The following ACAP2 variants were observed in gnomAD, a reference collection of about 807,000 sequenced individuals.
ACAP2 encodes the protein ArfGAP with coiled-coil, ankyrin repeat and PH domains 2, also known as arf-GAP with coiled-coil, ANK repeat and PH domain-containing protein 2.
Under a neutral mutation model 115.8 loss-of-function variants are expected in ACAP2, and 39 were observed. The ratio of observed to expected loss-of-function variants is 0.34; its 90% confidence interval spans 0.26 to 0.44. The LOEUF (loss-of-function observed/expected upper bound fraction) is 0.44, where lower values mean the gene tolerates loss of function less well. Among genes scored for constraint, ACAP2 ranks in the 20% least tolerant of loss-of-function variants. The pLI is 1.00. For missense variants in ACAP2, 662 were observed against 927.6 expected (o/e 0.71, Z 3.72); for synonymous variants, 289 against 315.8 (o/e 0.92, Z 0.90).
intron 22 of ACAP2, among the ~76,000 whole-genome samples, chr3:195,282,935 A>G (rs1726598522): frequency 6.6e-6 from 1 of 152,194 alleles, no homozygotes; most frequent in Non-Finnish European, 1.5e-5. Context: ...TTGCTCTTGA[A>G]ATGTACTCCC....
rs372230587 is a variant in ACAP2 at position 195,301,976 on chromosome 3, C to T, written c.1315G>A (p.Gly439Arg). The change falls in exon 14 of 23, where the codon GGA (glycine) becomes AGA (arginine). Residue 439 changes from glycine to arginine, a missense_variant. This residue lies in a region of ACAP2 where 401 missense variants were observed against 604.4 expected (regional missense o/e 0.66). Transcript: ENST00000326793. ...GGCAGGCCTACCCACCGGTGAATTC[C>T]GGAGCACTCGATACACAAGGTGATG... The part of the protein sequence containing the change: ...LGITLCIECS[G>R]IHRSLGVHFS... 1 of 1,612,958 alleles carries T rather than the reference C, an allele frequency of 6.2e-7. No individual in the cohort carries two copies. Among genetic ancestry groups the T allele is most frequent in the African/African-American group, 1.3e-5 (1 of 74,886 alleles).
chr3:195,339,179 TG>T (rs1038214142), intron 6 of ACAP2, among the ~76,000 whole-genome samples: 7 of 152,112 alleles, frequency 4.6e-5, no homozygotes, highest in African/African-American at 1.7e-4. Context: ...TGCAGTGAGC[TG>T]GGATCGCACC....
intron 1 of ACAP2, among the ~76,000 whole-genome samples, chr3:195,402,530 A>G (rs6785382): frequency 0.3 from 46,153 of 152,148 alleles, 8,065 homozygotes; most frequent in East Asian, 0.82. Context: ...AATATTATAC[A>G]TATAACTTTT....
chr3:195,357,238 G>T (rs1732033416), intron 4 of ACAP2, among the ~76,000 whole-genome samples: 1 of 152,062 alleles, frequency 6.6e-6, no homozygotes, highest in Non-Finnish European at 1.5e-5. Context: ...CACTGCCTGG[G>T]GAGAGGAAAG....
chr3:195,425,025 T>C (rs1373971379), intron 1 of ACAP2, among the ~76,000 whole-genome samples: 1 of 22,158 alleles, frequency 4.5e-5, no homozygotes, highest in African/African-American at 1.8e-4. Flanking sequence ...AGACTCCGTC[T>C]CAAAAAAAAA....
chr3:195,292,919 C>G (rs1281711377), intron 18 of ACAP2, among the ~76,000 whole-genome samples: 1 of 14,468 alleles, frequency 6.9e-5, no homozygotes, highest in African/African-American at 1.7e-4. Flanking sequence ...GAGACTCAGT[C>G]TCAAAAAAAA....
intron 6 of ACAP2, among the ~76,000 whole-genome samples, chr3:195,341,321 G>GT (rs377628235): frequency 0.42 from 44,305 of 106,596 alleles, 11,133 homozygotes; most frequent in Middle Eastern, 0.57. Context: ...TATTGTGTGG[G>GT]TTTTTTTTTT....
intron 8 of ACAP2, among the ~76,000 whole-genome samples, chr3:195,329,532 C>CT (rs1462566392): frequency 6.6e-6 from 1 of 152,160 alleles, no homozygotes; most frequent in African/African-American, 2.4e-5. Context: ...AACCCATACT[C>CT]TTTTTCCAGC....
intron 4 of ACAP2, chr3:195,349,692 G>T (rs948852101): frequency 1.0e-4 from 17 of 170,058 alleles, no homozygotes; most frequent in African/African-American, 4.1e-4. Flanking sequence ...GCGGCAAGAA[G>T]AAACATCCTG....
Position 195,424,915 on chromosome 3 carries a change from T to TAAA in ACAP2, c.53+17877_53+17879dup, listed in dbSNP as rs34038109. On this transcript the variant is annotated intron_variant, in intron 1 of 22. Coordinates refer to ENST00000326793, the MANE Select transcript of ACAP2 (RefSeq NM_012287.6). ...TGAGTGATAGAGTGAGACCCTGTCTTAAAAAAAAAAAAAAAAAAAAAAAAA... is the reference window on the plus strand; with the variant it reads ...TGAGTGATAGAGTGAGACCCTGTCTTAAAAAAAAAAAAAAAAAAAAAAAAAAAA... Among the ~76,000 whole-genome samples, 49 of 55,642 alleles carry TAAA rather than the reference T, an allele frequency of 8.8e-4. 1 individual carries two copies. The highest frequency in any genetic ancestry group is 2.0e-3 in the African/African-American group (28 of 14,166). The allele number at this position is 55,642 out of a possible 152,430, so 36.5% of individuals were successfully genotyped here.
chr3:195,403,629 G>A (rs985334258), intron 1 of ACAP2, among the ~76,000 whole-genome samples: 7 of 152,194 alleles, frequency 4.6e-5, no homozygotes, highest in African/African-American at 1.2e-4. Context: ...ATATGCATGC[G>A]TACACCAGGT....
chr3:195,308,839 T>C lies in ACAP2; in HGVS notation c.858-2A>G. The C allele has an allele frequency of 1.9e-6, 3 of 1,606,148 alleles. No homozygotes were observed. The highest frequency in any genetic ancestry group is 2.5e-6 in the Non-Finnish European group (3 of 1,177,540). ...TTATTCTGTATTGAAAACCAGCGCC[T>C]ACAGAAACACAAAATAGATTAAGTT... On this transcript the variant is annotated splice_acceptor_variant, in intron 10 of 22. Coordinates refer to ENST00000326793, the MANE Select transcript of ACAP2 (RefSeq NM_012287.6). LOFTEE classifies it high-confidence loss of function.
intron 22 of ACAP2, among the ~76,000 whole-genome samples, chr3:195,284,488 G>T (rs565882373): frequency 6.6e-6 from 1 of 152,226 alleles, no homozygotes; most frequent in Non-Finnish European, 1.5e-5. Flanking sequence ...TGATCCATAG[G>T]ATTCAAGTGG....
At chr3:195,344,934 T>C (rs1731104176) in intron 5 of ACAP2, among the ~76,000 whole-genome samples, 1 of 152,252 alleles carries the variant, frequency 6.6e-6, no homozygotes, top group African/African-American at 2.4e-5. Flanking sequence ...ACTAATAGTA[T>C]TTCAACCACT....
At chr3:195,398,742 T>C (rs916158082) in intron 1 of ACAP2, among the ~76,000 whole-genome samples, 1 of 152,182 alleles carries the variant, frequency 6.6e-6, no homozygotes, top group Non-Finnish European at 1.5e-5. Context: ...GTCTTTCTTC[T>C]CTATTTATTA....
At chr3:195,385,086 T>C (rs938571997) in intron 2 of ACAP2, among the ~76,000 whole-genome samples, 2 of 151,858 alleles carry the variant, frequency 1.3e-5, no homozygotes, top group Non-Finnish European at 2.9e-5. Flanking sequence ...CCAAACCATA[T>C]ATGGTTACTA....
chr3:195,363,234 AAAG>A, intron 4 of ACAP2, among the ~76,000 whole-genome samples: 1 of 152,334 alleles, frequency 6.6e-6, no homozygotes, highest in East Asian at 1.9e-4. Context: ...GCAATTAACC[AAAG>A]AAGTGAAAGA....
chr3:195,412,047 G>A (rs1275490559), intron 1 of ACAP2, among the ~76,000 whole-genome samples: 6 of 150,804 alleles, frequency 4.0e-5, no homozygotes, highest in African/African-American at 1.5e-4. Flanking sequence ...ATTGGGGGCT[G>A]GGTGCAGTGG....
intron 1 of ACAP2, among the ~76,000 whole-genome samples, chr3:195,425,483 G>A (rs192400990): frequency 2.0e-5 from 3 of 152,238 alleles, no homozygotes; most frequent in East Asian, 3.9e-4. Flanking sequence ...GCAAGAAATC[G>A]TGCTCAAGAA....
Sources: allele counts gnomAD v4.1 joint callset (sites outside exome capture counted in the v4.1 genomes callset), GRCh38; gene constraint gnomAD v4.1.1; regional missense constraint gnomAD v4.1.1; transcripts MANE v1.5; gene names NCBI Gene and HGNC (gene_info 2026-07-23, HGNC 2026-07-21).